STK26: variants seen among roughly 807,000 people sequenced by gnomAD.
STK26 encodes serine/threonine kinase 26, also known as serine/threonine-protein kinase 26.
Under a neutral mutation model 34.7 loss-of-function variants are expected in STK26, and 14 were observed. The ratio of observed to expected loss-of-function variants is 0.40; its 90% confidence interval spans 0.27 to 0.63. STK26 has a LOEUF of 0.63. Among genes scored for constraint, STK26 ranks in the 30% least tolerant of loss-of-function variants. The pLI, the probability that STK26 is intolerant of heterozygous loss-of-function variation, is 0.38. For missense variants in STK26, 226 were observed against 309.1 expected (o/e 0.73, Z 2.02); for synonymous variants, 100 against 109.8 (o/e 0.91, Z 0.56).
intron 2 of STK26, among the ~76,000 whole-genome samples, chrX:132,027,939 G>A (rs939404479): frequency 1.0e-4 from 11 of 107,927 alleles, no homozygotes; most frequent in South Asian, 4.2e-4. Context: ...GACTGCAGCC[G>A]CCACTTCCTG....
intron 3 of STK26, among the ~76,000 whole-genome samples, chrX:132,059,794 AAAG>A (rs1171441533): frequency 9.0e-6 from 1 of 111,615 alleles, no homozygotes; most frequent in Non-Finnish European, 1.9e-5. Context: ...ATGAAAAAAA[AAAG>A]AATTGAATGA....
At chrX:132,074,062 C>T in intron 11 of STK26, 73 bp from the exon 12 acceptor site, 1 of 939,027 alleles carries the variant, frequency 1.1e-6, no homozygotes, top group Middle Eastern at 3.0e-4. Flanking sequence ...TTCTTCATTG[C>T]AGAGTTCATA....
At chrX:132,032,672 G>GT (rs1319758547) in intron 2 of STK26, among the ~76,000 whole-genome samples, 4 of 111,423 alleles carry the variant, frequency 3.6e-5, no homozygotes, top group Non-Finnish European at 7.5e-5. Flanking sequence ...CATCAATGGG[G>GT]TTTTTTTCAA....
chrX:132,060,609 TG>T (rs768552183), intron 3 of STK26, among the ~76,000 whole-genome samples: 1 of 109,878 alleles, frequency 9.1e-6, no homozygotes, highest in Non-Finnish European at 1.9e-5. Flanking sequence ...TTTTTTGTTT[TG>T]TTTTTTTGTT....
chrX:132,071,249 C>A (rs1234529714), intron 8 of STK26, 32 bp downstream of exon 8: 10 of 1,184,388 alleles, frequency 8.4e-6, no homozygotes, highest in African/African-American at 5.3e-5. Flanking sequence ...TTTATGTAGG[C>A]AGCCTATTTA....
intron 8 of STK26, among the ~76,000 whole-genome samples, chrX:132,071,755 A>C (rs1187136005): frequency 8.9e-6 from 1 of 112,550 alleles, no homozygotes; most frequent in Non-Finnish European, 1.9e-5. Flanking sequence ...AATTTAGACT[A>C]GGAAAGTCTG....
At chrX:132,052,572 C>T (rs1384729560) in intron 2 of STK26, among the ~76,000 whole-genome samples, 4 of 111,972 alleles carry the variant, frequency 3.6e-5, no homozygotes, top group African/African-American at 1.3e-4. Flanking sequence ...AATGTGACCT[C>T]GTTTTAAAAT....
intron 3 of STK26, among the ~76,000 whole-genome samples, chrX:132,057,009 A>G (rs1416962402): frequency 8.9e-6 from 1 of 112,127 alleles, no homozygotes; most frequent in East Asian, 2.8e-4. Context: ...AGGCACACTC[A>G]GAGAAACCTT....
At chrX:132,069,729 C>T in intron 7 of STK26, 66 bp downstream of exon 7, 3 of 755,081 alleles carry the variant, frequency 4.0e-6, no homozygotes, top group Non-Finnish European at 5.2e-6. Flanking sequence ...GCAAAGGCAG[C>T]TTTTCCTGCA....
At chrX:132,064,848 A>AT (rs1449721399) in intron 4 of STK26, among the ~76,000 whole-genome samples, 1 of 111,894 alleles carries the variant, frequency 8.9e-6, no homozygotes, top group East Asian at 2.8e-4. Flanking sequence ...TTAGGTGGAG[A>AT]TGAGTTTTCC....
At chrX:132,028,303 A>G (rs1480017695) in intron 2 of STK26, among the ~76,000 whole-genome samples, 1 of 111,139 alleles carries the variant, frequency 9.0e-6, no homozygotes, top group Non-Finnish European at 1.9e-5. Flanking sequence ...TTCAGAAGGA[A>G]AAGTTAAAGA....
At chrX:132,060,245 G>T (rs1368391587) in intron 3 of STK26, among the ~76,000 whole-genome samples, 1 of 111,796 alleles carries the variant, frequency 8.9e-6, no homozygotes, top group East Asian at 2.8e-4. Flanking sequence ...TTAATAGCCT[G>T]CTTATCTGTG....
At chrX:132,048,850 TGA>T (rs1316222007) in intron 2 of STK26, among the ~76,000 whole-genome samples, 1 of 112,277 alleles carries the variant, frequency 8.9e-6, no homozygotes, top group African/African-American at 3.2e-5. Context: ...AGCCCGTGAT[TGA>T]GAGAGCAGCC....
At chrX:132,028,964 G>C (rs912781584) in intron 2 of STK26, among the ~76,000 whole-genome samples, 1 of 112,442 alleles carries the variant, frequency 8.9e-6, no homozygotes, top group Non-Finnish European at 1.9e-5. Flanking sequence ...TTGTTATTGA[G>C]TAGTTAATGC....
At chrX:132,068,601 CT>C in intron 6 of STK26, 32 bp downstream of exon 6, 1 of 1,168,757 alleles carries the variant, frequency 8.6e-7, no homozygotes, top group Non-Finnish European at 1.1e-6. Flanking sequence ...CTGTTTTGGG[CT>C]TGTTAATAAA....
intron 3 of STK26, among the ~76,000 whole-genome samples, chrX:132,059,418 T>C (rs778692403): frequency 8.9e-6 from 1 of 112,264 alleles, no homozygotes; most frequent in Non-Finnish European, 1.9e-5. Context: ...AAAAATGTAC[T>C]AGGTATTCAT....
intron 4 of STK26, among the ~76,000 whole-genome samples, chrX:132,065,140 C>A (rs144370269): frequency 2.7e-5 from 3 of 111,410 alleles, no homozygotes; most frequent in Non-Finnish European, 5.7e-5. Flanking sequence ...TTTTTTCTCT[C>A]GTCTCTAGTG....
intron 3 of STK26, 23 bp from the exon 4 acceptor site, chrX:132,063,410 T>G: frequency 1.7e-6 from 2 of 1,195,087 alleles, no homozygotes; most frequent in African/African-American, 3.5e-5. Flanking sequence ...TTGTAATTAT[T>G]AAATTGTTTC....
rs764436903 is a variant in STK26 at position 132,075,757 on chromosome X, A to G, written c.*1598A>G. The G allele has an allele frequency of 3.6e-5, 4 of 111,959 alleles. No individual in the cohort carries two copies. Among genetic ancestry groups the G allele is most frequent in the East Asian group, 2.8e-4 (1 of 3,586 alleles). The allele number at this position is 111,959 out of a possible 1,213,427, so 9.2% of individuals were successfully genotyped here. A position where few individuals can be genotyped will look rare whatever the true frequency, so the allele number is the denominator to read the frequency against. On this transcript the variant is annotated 3_prime_UTR_variant, in exon 12 of 12. Transcript: ENST00000394334. ...GCAACTCATGTTATGGGTTAAATGA[A>G]TATTTTTGTAAAAGTAAAAGCAACA...
Sources: gnomAD v4.1 joint callset for allele counts (sites outside exome capture counted in the v4.1 genomes callset) on GRCh38, gnomAD v4.1.1 for gene constraint, MANE v1.5 for transcripts, NCBI Gene and HGNC (gene_info 2026-07-23, HGNC 2026-07-21) for gene names.